Variants in PCGF5 observed in about 807,000 individuals in gnomAD.
PCGF5 encodes polycomb group ring finger 5.
Under a neutral mutation model 44.3 loss-of-function variants are expected in PCGF5, and 9 were observed. The ratio of observed to expected loss-of-function variants is 0.20; its 90% CI spans 0.12 to 0.35. The LOEUF (loss-of-function observed/expected upper bound fraction) is 0.35. Ranked by LOEUF, PCGF5 falls within the 10% of genes least tolerant of loss-of-function variation. The pLI is 1.00. For synonymous variants in PCGF5, 95 were observed against 102.5 expected, an observed-to-expected ratio of 0.93 and a Z score of 0.44; for missense variants, 146 against 305.3, an observed-to-expected ratio of 0.48 and a Z score of 3.89.
chr10:91,173,900 A>T (rs944780797), intron 1 of PCGF5, among the ~76,000 whole-genome samples: 1 of 151,968 alleles, frequency 6.6e-6, no homozygotes, highest in Non-Finnish European at 1.5e-5. Flanking sequence ...TTATTTGTTA[A>T]AAGTTCTGAT....
At chr10:91,250,931 A>G (rs1003158447) in intron 5 of PCGF5, among the ~76,000 whole-genome samples, 2 of 151,896 alleles carry the variant, frequency 1.3e-5, no homozygotes, top group South Asian at 2.1e-4. Context: ...ATTTATATAT[A>G]CACCTATAAA....
chr10:91,262,663 G>A (rs1297958947), intron 7 of PCGF5, among the ~76,000 whole-genome samples: 1 of 152,130 alleles, frequency 6.6e-6, no homozygotes, highest in Non-Finnish European at 1.5e-5. Context: ...TAGTCTATGG[G>A]TTGAAAATTG....
chr10:91,233,713 A>G (rs1845073797), intron 2 of PCGF5, among the ~76,000 whole-genome samples: 1 of 152,236 alleles, frequency 6.6e-6, no homozygotes, highest in East Asian at 1.9e-4. Flanking sequence ...CTCTTTGAAC[A>G]TGACCACAGT....
At chr10:91,232,189 G>A (rs1017566613) in intron 2 of PCGF5, among the ~76,000 whole-genome samples, 2 of 152,150 alleles carry the variant, frequency 1.3e-5, no homozygotes, top group Non-Finnish European at 2.9e-5. Context: ...GTAAGATGGG[G>A]TTGAGAATAG....
chr10:91,225,233 ATATG>A (rs1844790739), intron 2 of PCGF5, among the ~76,000 whole-genome samples: 2 of 147,532 alleles, frequency 1.4e-5, no homozygotes, highest in Non-Finnish European at 3.0e-5. Flanking sequence ...TATATATCAT[ATATG>A]TATATATGAT....
intron 9 of PCGF5, 56 bp downstream of exon 9, chr10:91,271,753 C>T (rs1846187291): frequency 5.0e-6 from 7 of 1,403,812 alleles, no homozygotes; most frequent in Non-Finnish European, 6.0e-6. Context: ...GCGGTGAGCA[C>T]ATTCATCCCA....
upstream of PCGF5, among the ~76,000 whole-genome samples, chr10:91,160,826 A>G (rs1564621007): frequency 6.6e-6 from 1 of 152,184 alleles, no homozygotes; most frequent in African/African-American, 2.4e-5. Context: ...TCGGGAAGAG[A>G]AAGTTCCTGC....
At chr10:91,177,348 G>T (rs973215228) in intron 1 of PCGF5, among the ~76,000 whole-genome samples, 4 of 152,218 alleles carry the variant, frequency 2.6e-5, no homozygotes, top group Non-Finnish European at 5.9e-5. Context: ...GGCTACTCGG[G>T]GGTCAGGGAC....
intron 3 of PCGF5, among the ~76,000 whole-genome samples, chr10:91,241,744 C>G (rs1845333682): frequency 6.6e-6 from 1 of 151,316 alleles, no homozygotes; most frequent in Non-Finnish European, 1.5e-5. Context: ...ACTCTCTTAT[C>G]TGTGTGATAT....
At chr10:91,260,810 T>A (rs1589404410) in intron 6 of PCGF5, among the ~76,000 whole-genome samples, 1 of 32,208 alleles carries the variant, frequency 3.1e-5, no homozygotes, top group Non-Finnish European at 5.6e-5. Flanking sequence ...GGGACTGTTG[T>A]GGGGTGGGGG....
chr10:91,262,641 C>G, intron 7 of PCGF5, among the ~76,000 whole-genome samples: 1 of 152,150 alleles, frequency 6.6e-6, no homozygotes, highest in South Asian at 2.1e-4. Context: ...TTGAAAATTT[C>G]TCTCAGATGA....
In PCGF5 at chr10:91,281,709, G is replaced by C. The variant is rs1846458664; in HGVS notation, c.*3393G>C. 1 of 152,492 alleles carries C rather than the reference G, an allele frequency of 6.6e-6. No individual in the cohort carries two copies. The highest frequency in any genetic ancestry group is 2.4e-5 in the African/African-American group (1 of 41,442). 9.4% of individuals were successfully genotyped at this position (152,492 alleles called of 1,614,324 possible). On this transcript the variant is annotated 3_prime_UTR_variant, in exon 10 of 10. Transcript: ENST00000336126. Reference sequence around the variant, plus strand: ...TTTTATATAGTTAGGCAATAACCTTGATTAATTGCTAAAATATCACCAAAG... The same window carrying C: ...TTTTATATAGTTAGGCAATAACCTTCATTAATTGCTAAAATATCACCAAAG...
rs749307804 is a variant in PCGF5 at position 91,278,258 on chromosome 10, T to G, written c.724-11T>G. 6.3e-7 allele frequency: 1 copy of G among 1,599,938 alleles called. No homozygotes were observed. On this transcript the variant is annotated splice_polypyrimidine_tract_variant and intron_variant, in intron 9 of 9. Coordinates refer to ENST00000336126, the MANE Select transcript of PCGF5 (RefSeq NM_032373.5). ...ATACAGTCTTATTTATTATCTGTCT[T>G]TATTTTGTAGTCATACCCTATGGTA...
chr10:91,259,604 A>G (rs1845843983), intron 6 of PCGF5, among the ~76,000 whole-genome samples: 1 of 152,212 alleles, frequency 6.6e-6, no homozygotes, highest in Non-Finnish European at 1.5e-5. Context: ...ACAGCATGGT[A>G]CTGGTACCAA....
intron 1 of PCGF5, among the ~76,000 whole-genome samples, chr10:91,188,796 G>C (rs111675752): frequency 1.2e-4 from 18 of 152,306 alleles, no homozygotes; most frequent in African/African-American, 4.1e-4. Context: ...TTTGGAGCCT[G>C]TTGACCTACC....
chr10:91,276,535 T>C (rs901994602), intron 9 of PCGF5, among the ~76,000 whole-genome samples: 8 of 152,206 alleles, frequency 5.3e-5, no homozygotes, highest in Non-Finnish European at 1.0e-4. Flanking sequence ...CAATTTTCAG[T>C]GTTGTGACAC....
chr10:91,269,954 A>G (rs531751026), intron 8 of PCGF5, among the ~76,000 whole-genome samples: 1 of 152,266 alleles, frequency 6.6e-6, no homozygotes, highest in Non-Finnish European at 1.5e-5. Context: ...GTTTTGCCTC[A>G]GTTTTTTGAT....
In PCGF5 at chr10:91,282,599, G is replaced by A. The variant is rs983538315; in HGVS notation, c.*4283G>A. The A allele has an allele frequency of 1.3e-5, 2 of 152,590 alleles. No homozygotes were observed. Among genetic ancestry groups the A allele is most frequent in the African/African-American group, 2.4e-5 (1 of 41,434 alleles). The allele number at this position is 152,590 out of a possible 1,614,324, so 9.5% of individuals were successfully genotyped here. ...CACAGAACAAGCATGTACATCAAGAGGAAGTTCCATATCCCCCTTGTACCA... is the reference window on the plus strand; with the variant it reads ...CACAGAACAAGCATGTACATCAAGAAGAAGTTCCATATCCCCCTTGTACCA... On this transcript the variant is annotated 3_prime_UTR_variant, in exon 10 of 10. Coordinates refer to ENST00000336126, the MANE Select transcript of PCGF5 (RefSeq NM_032373.5).
intron 1 of PCGF5, among the ~76,000 whole-genome samples, chr10:91,193,860 C>T (rs1321981600): frequency 6.6e-6 from 1 of 152,066 alleles, no homozygotes; most frequent in Non-Finnish European, 1.5e-5. Context: ...ATGGCTTAGA[C>T]CAGCAGTAGT....
Sources: gnomAD v4.1 joint callset for allele counts (sites outside exome capture counted in the v4.1 genomes callset) on GRCh38, gnomAD v4.1.1 for gene constraint, MANE v1.5 for transcripts, NCBI Gene and HGNC (gene_info 2026-07-23, HGNC 2026-07-21) for gene names.